TMEM108: variants seen among roughly 807,000 people sequenced by gnomAD.
TMEM108 encodes cancer/testis antigen 124.
In TMEM108, 12 loss-of-function variants were observed where a neutral mutation model predicts 35.1. That is an observed-to-expected ratio of 0.34 (90% CI 0.22 to 0.55). The LOEUF is 0.55. Ranked by LOEUF, TMEM108 falls within the 20% of genes least tolerant of loss-of-function variation. The pLI, the probability that TMEM108 is intolerant of heterozygous loss-of-function variation, is 0.89. For missense variants in TMEM108, 680 were observed against 753.3 expected (o/e 0.90, Z 1.14); for synonymous variants, 287 against 308.6 (o/e 0.93, Z 0.73).
chr3:133,078,159 G>GTGTGTGTGTGTGTGTA (rs1559825374), intron 2 of TMEM108, among the ~76,000 whole-genome samples: 1 of 140,814 alleles, frequency 7.1e-6, no homozygotes. Context: ...GTGTGTGTGT[G>GTGTGTGTGTGTGTGTA]CACGCGCGCG....
chr3:133,334,236 G>A (rs1364771671), intron 3 of TMEM108, among the ~76,000 whole-genome samples: 2 of 152,132 alleles, frequency 1.3e-5, no homozygotes, highest in Non-Finnish European at 2.9e-5. Flanking sequence ...GAAATCTTGT[G>A]ACTCCATGAT....
intron 2 of TMEM108, among the ~76,000 whole-genome samples, chr3:133,169,949 T>C (rs764952204): frequency 6.6e-6 from 1 of 152,206 alleles, no homozygotes; most frequent in African/African-American, 2.4e-5. Context: ...CGGGATCAGA[T>C]ACTATCATTT....
chr3:133,131,420 G>A (rs779665117), intron 2 of TMEM108, among the ~76,000 whole-genome samples: 1 of 150,424 alleles, frequency 6.6e-6, no homozygotes, highest in Non-Finnish European at 1.5e-5. Context: ...TTTAATTCAT[G>A]TCTCTGTGTC....
At chr3:133,125,777 A>G (rs774825988) in intron 2 of TMEM108, among the ~76,000 whole-genome samples, 1 of 152,180 alleles carries the variant, frequency 6.6e-6, no homozygotes, top group South Asian at 2.1e-4. Context: ...TTAAAATAGT[A>G]TCTTCTTCAG....
intron 2 of TMEM108, among the ~76,000 whole-genome samples, chr3:133,123,645 TA>T (rs1192531400): frequency 2.0e-5 from 3 of 152,166 alleles, no homozygotes; most frequent in Non-Finnish European, 2.9e-5. Context: ...GAAATGGCAA[TA>T]AAAAAATGTC....
intron 2 of TMEM108, among the ~76,000 whole-genome samples, chr3:133,165,650 T>C (rs1233499869): frequency 1.3e-5 from 2 of 152,262 alleles, no homozygotes; most frequent in Non-Finnish European, 2.9e-5. Flanking sequence ...TTAAGAATTA[T>C]AGCTTGCAAG....
chr3:133,229,440 A>G, intron 3 of TMEM108, 89 bp downstream of exon 3: 1 of 1,293,972 alleles, frequency 7.7e-7, no homozygotes, highest in Non-Finnish European at 1.1e-6. Context: ...GACGGAGACC[A>G]GGGTTGGATC....
chr3:133,117,546 G>A (rs1559837591), intron 2 of TMEM108, among the ~76,000 whole-genome samples: 2 of 152,172 alleles, frequency 1.3e-5, no homozygotes, highest in Non-Finnish European at 2.9e-5. Flanking sequence ...GCCATTGACT[G>A]TTGTTGCCAT....
chr3:133,395,228 A>G (rs2073288099), intron 5 of TMEM108, among the ~76,000 whole-genome samples: 1 of 152,226 alleles, frequency 6.6e-6, no homozygotes, highest in Non-Finnish European at 1.5e-5. Context: ...AGTCACACAG[A>G]GATGCAGATC....
intron 2 of TMEM108, among the ~76,000 whole-genome samples, chr3:133,172,878 T>C (rs1234193245): frequency 6.6e-6 from 1 of 152,192 alleles, no homozygotes; most frequent in Non-Finnish European, 1.5e-5. Flanking sequence ...GTAAATCTCA[T>C]GAGATCTGAT....
intron 3 of TMEM108, among the ~76,000 whole-genome samples, chr3:133,242,112 T>C (rs1053037732): frequency 1.3e-5 from 2 of 152,178 alleles, no homozygotes; most frequent in South Asian, 2.1e-4. Context: ...TCCTCTGTCA[T>C]TGGATTTAAG....
At position 133,380,658 on chromosome 3, in the gene TMEM108, CT is replaced by C. The variant is rs771763364; in HGVS notation, c.949del (p.Ser317LeufsTer94). ...GTCAGTCCACAAGCTGCCCCAGTGC[CT>C]TCTCAGCGCCCCCACCACGGTGACC... ...APVSPQAAPV[P>X]SQRPHHGDPQ... is the part of the protein sequence containing the mutation. On this transcript the variant is annotated frameshift_variant, in exon 4 of 6. Coordinates refer to ENST00000321871, the MANE Select transcript of TMEM108 (RefSeq NM_023943.4). LOFTEE classifies it high-confidence loss of function. The surrounding 1 kb of genome is among the most constrained non-coding windows in gnomAD (Gnocchi z 5.3). 6.2e-7 allele frequency: 1 copy of C among 1,614,110 alleles called. No homozygotes were observed. The highest frequency in any genetic ancestry group is 8.5e-7 in the Non-Finnish European group (1 of 1,180,014).
rs867733025 is a variant in TMEM108 at position 133,129,351 on chromosome 3, C to G, written c.-47+83331C>G. On this transcript the variant is annotated intron_variant, in intron 2 of 5. Transcript: ENST00000321871. ...CACAGCAAGACTCCGCACCCACACC[C>G]CCCCCCCCAAAAAAAAATAAACGAA... Among the ~76,000 whole-genome samples, 19 of 79,822 alleles carry G rather than the reference C, an allele frequency of 2.4e-4. No individual in the cohort carries two copies. The South Asian group carries it at 5.3e-3, about 22-fold the overall frequency. The allele number at this position is 79,822 out of a possible 152,430, so 52.4% of individuals were successfully genotyped here.
At chr3:133,138,579 G>A (rs943678186) in intron 2 of TMEM108, among the ~76,000 whole-genome samples, 10 of 151,848 alleles carry the variant, frequency 6.6e-5, no homozygotes, top group Admixed American at 6.6e-5. Flanking sequence ...TGTCTTCTTC[G>A]AGTGTGGCCC....
chr3:133,340,605 C>T (rs2071633940), intron 3 of TMEM108, among the ~76,000 whole-genome samples: 1 of 150,528 alleles, frequency 6.6e-6, no homozygotes, highest in Non-Finnish European at 1.5e-5. Context: ...GACAGAGACA[C>T]ATCAAAAAAA....
chr3:133,253,182 A>G (rs929608520), intron 3 of TMEM108, among the ~76,000 whole-genome samples: 1 of 152,216 alleles, frequency 6.6e-6, no homozygotes, highest in African/African-American at 2.4e-5. Context: ...GAAACCTATT[A>G]CAGTTGTTGT....
chr3:133,332,358 A>G (rs1039488366), intron 3 of TMEM108, among the ~76,000 whole-genome samples: 5 of 152,186 alleles, frequency 3.3e-5, no homozygotes, highest in African/African-American at 1.2e-4. Flanking sequence ...GCCACTCCTC[A>G]TATTAGGAAG....
chr3:133,155,389 G>T (rs1451724664), intron 2 of TMEM108, among the ~76,000 whole-genome samples: 2 of 152,132 alleles, frequency 1.3e-5, no homozygotes, highest in African/African-American at 4.8e-5. Flanking sequence ...TAGTGGGATT[G>T]CTGGGTCGAA....
intron 2 of TMEM108, among the ~76,000 whole-genome samples, chr3:133,071,467 C>A (rs1217618423): frequency 6.6e-6 from 1 of 152,166 alleles, no homozygotes; most frequent in Non-Finnish European, 1.5e-5. Context: ...TTTAAAGACC[C>A]TATCTTCAAA....
Sources: allele counts gnomAD v4.1 joint callset (sites outside exome capture counted in the v4.1 genomes callset), GRCh38; gene constraint gnomAD v4.1.1; non-coding constraint Gnocchi (gnomAD v3.1); transcripts MANE v1.5; gene names NCBI Gene and HGNC (gene_info 2026-07-23, HGNC 2026-07-21).